The following ERO1B variants were observed in gnomAD, a reference collection of about 807,000 sequenced individuals.
ERO1B encodes endoplasmic reticulum oxidoreductase 1 beta, also known as ERO1-like protein beta.
Under a neutral mutation model 75.3 loss-of-function variants are expected in ERO1B, and 49 were observed. The ratio of observed to expected loss-of-function variants is 0.65; its 90% CI spans 0.52 to 0.83. The LOEUF (loss-of-function observed/expected upper bound fraction) is 0.83, where lower values mean the gene tolerates loss of function less well. Ranked by LOEUF, ERO1B falls within the 40% of genes least tolerant of loss-of-function variation. The pLI, the probability that ERO1B is intolerant of heterozygous loss-of-function variation, is 0.00. For synonymous variants in ERO1B, 191 were observed against 192.9 expected (o/e 0.99, Z 0.08); for missense variants, 512 against 560.1 (o/e 0.91, Z 0.87).
At chr1:236,229,294 G>A (rs537254656) in intron 10 of ERO1B, among the ~76,000 whole-genome samples, 101 of 151,910 alleles carry the variant, frequency 6.6e-4, no homozygotes, top group Admixed American at 3.0e-3. Context: ...GTGTGGTGGC[G>A]GGTGCCTGTA....
intron 4 of ERO1B, among the ~76,000 whole-genome samples, chr1:236,251,836 A>C (rs899100009): frequency 2.0e-5 from 3 of 152,300 alleles, no homozygotes; most frequent in African/African-American, 7.2e-5. Flanking sequence ...GTTGTTCCAG[A>C]GATTCCAAAA....
At chr1:236,239,911 A>ATTTTTTTTTTTT (rs1218642025) in intron 6 of ERO1B, among the ~76,000 whole-genome samples, 2 of 106,952 alleles carry the variant, frequency 1.9e-5, no homozygotes, top group African/African-American at 8.1e-5. Flanking sequence ...ATATATATAT[A>ATTTTTTTTTTTT]TTTTTTTTTT....
At chr1:236,247,805 A>G (rs148876219) in intron 5 of ERO1B, among the ~76,000 whole-genome samples, 68 of 152,296 alleles carry the variant, frequency 4.5e-4, no homozygotes, top group African/African-American at 1.5e-3. Context: ...AAGTCTAGGC[A>G]TGATCCTGCC....
At chr1:236,255,367 C>T (rs1268143309) in intron 2 of ERO1B, among the ~76,000 whole-genome samples, 2 of 152,184 alleles carry the variant, frequency 1.3e-5, no homozygotes, top group African/African-American at 4.8e-5. Flanking sequence ...CCTGGCCAGG[C>T]TTGCTAAAGT....
chr1:236,281,574 T>G, intron 1 of ERO1B, 108 bp downstream of exon 1: 1 of 292,806 alleles, frequency 3.4e-6, no homozygotes, highest in Non-Finnish European at 5.1e-6. Flanking sequence ...AATCACCTCT[T>G]TTCTGGCCCG....
rs1665849054 is a variant in ERO1B, at chr1:236,281,957, G to C, written c.-174C>G. 2.4e-6 allele frequency: 1 copy of C among 417,096 alleles called. No individual in the cohort carries two copies. Among genetic ancestry groups the C allele is most frequent in the African/African-American group, 2.0e-5 (1 of 48,796 alleles). The allele number at this position is 417,096 out of a possible 1,614,324, so 25.8% of individuals were successfully genotyped here. A position where few individuals can be genotyped will look rare whatever the true frequency, so the allele number is the denominator to read the frequency against. ...TTTCCCCAACACCCGGCAGCTGCGAGTGAGGCAGGAAAGGCGAGCGCCCCC... is the reference window on the plus strand; with the variant it reads ...TTTCCCCAACACCCGGCAGCTGCGACTGAGGCAGGAAAGGCGAGCGCCCCC... On this transcript the variant is annotated 5_prime_UTR_variant, in exon 1 of 16. Transcript: ENST00000354619.
intron 2 of ERO1B, among the ~76,000 whole-genome samples, chr1:236,268,561 G>A (rs777516382): frequency 2.0e-5 from 3 of 152,144 alleles, no homozygotes; most frequent in Non-Finnish European, 4.4e-5. Flanking sequence ...AGATCGGCCT[G>A]GGCAAACATG....
rs1176767748 is a variant in ERO1B at position 236,215,905 on chromosome 1, CAG to C, written c.*2609_*2610del. Reference sequence around the variant, plus strand: ...ACATAGGCAAAGTTGAAAAACATGGCAGAGTTTCATATACATACAGAGATTAC... The same window carrying C: ...ACATAGGCAAAGTTGAAAAACATGGCAGTTTCATATACATACAGAGATTAC... On this transcript the variant is annotated 3_prime_UTR_variant, in exon 16 of 16. Transcript: ENST00000354619. 1 of 143,578 alleles carries C rather than the reference CAG, an allele frequency of 7.0e-6. No individual in the cohort carries two copies. Among genetic ancestry groups the C allele is most frequent in the East Asian group, 2.7e-4 (1 of 3,764 alleles). 8.9% of individuals were successfully genotyped at this position (143,578 alleles called of 1,614,324 possible).
intron 8 of ERO1B, among the ~76,000 whole-genome samples, chr1:236,234,237 C>T (rs761551254): frequency 2.6e-5 from 4 of 152,086 alleles, no homozygotes; most frequent in African/African-American, 9.7e-5. Flanking sequence ...TCTTCCCTTC[C>T]TCTTTTTCTA....
rs1664003257 is a variant in ERO1B, at chr1:236,216,976, A to G, written c.*1540T>C. The G allele has an allele frequency of 6.6e-6, 1 of 151,954 alleles. No homozygotes were observed. The highest frequency in any genetic ancestry group is 1.5e-5 in the Non-Finnish European group (1 of 67,944). 9.4% of individuals were successfully genotyped at this position (151,954 alleles called of 1,614,324 possible). On this transcript the variant is annotated 3_prime_UTR_variant, in exon 16 of 16. Transcript: ENST00000354619. ...TACCACCATCAACAACAAAACCCCA[A>G]GTTTATAAAGGTTTGAAATTAGGTG...
At position 236,254,602 on chromosome 1, in the gene ERO1B, T is replaced by A. The variant is rs183192035; in HGVS notation, c.223-1097A>T. Among the ~76,000 whole-genome samples, 5 of 152,198 alleles carry A rather than the reference T, an allele frequency of 3.3e-5. No individual in the cohort carries two copies. The East Asian group carries it at 7.7e-4, about 24-fold the overall frequency. On this transcript the variant is annotated intron_variant, in intron 2 of 15. Coordinates refer to ENST00000354619, the MANE Select transcript of ERO1B (RefSeq NM_019891.4). ...GGGAACATACCATGCTCCCTATGTC[T>A]CAAGATCTTTATTTTTTTTTTATTT... is the stretch of plus-strand genomic sequence containing the variant.
chr1:236,222,036 C>T (rs760558618), intron 13 of ERO1B, 26 bp from the exon 14 acceptor site: 4 of 1,566,178 alleles, frequency 2.6e-6, no homozygotes, highest in Non-Finnish European at 3.5e-6. Context: ...TATTTTCAGT[C>T]TAATTAGACT....
chr1:236,234,115 T>C (rs1036149288), intron 8 of ERO1B, among the ~76,000 whole-genome samples: 5 of 152,168 alleles, frequency 3.3e-5, no homozygotes, highest in Admixed American at 6.5e-5. Context: ...AGCAGGTAAA[T>C]AGCAACAGCA....
intron 5 of ERO1B, among the ~76,000 whole-genome samples, chr1:236,245,204 A>C (rs1664812671): frequency 6.8e-6 from 1 of 146,904 alleles, no homozygotes; most frequent in African/African-American, 2.5e-5. Context: ...TATGTTGCCC[A>C]GGCTGGTCTC....
chr1:236,228,644 G>A (rs987422274), intron 10 of ERO1B, among the ~76,000 whole-genome samples: 2 of 152,162 alleles, frequency 1.3e-5, no homozygotes, highest in Non-Finnish European at 1.5e-5. Flanking sequence ...CTTTCAGAAA[G>A]GGGTTGCATT....
At chr1:236,227,346 T>G (rs892703077) in intron 10 of ERO1B, among the ~76,000 whole-genome samples, 3 of 152,206 alleles carry the variant, frequency 2.0e-5, no homozygotes, top group African/African-American at 7.2e-5. Context: ...TTATTTGATG[T>G]AGCCTTCTTA....
At chr1:236,246,590 C>T (rs1340388202) in intron 5 of ERO1B, among the ~76,000 whole-genome samples, 1 of 152,170 alleles carries the variant, frequency 6.6e-6, no homozygotes, top group Non-Finnish European at 1.5e-5. Flanking sequence ...TTAAACATTA[C>T]TATGCCCAAA....
In ERO1B at chr1:236,222,020, A is replaced by G; in HGVS notation, c.1123-10T>C. The G allele has an allele frequency of 2.5e-6, 4 of 1,606,998 alleles. No homozygotes were observed. The highest frequency in any genetic ancestry group is 3.4e-6 in the Non-Finnish European group (4 of 1,173,806). On this transcript the variant is annotated splice_polypyrimidine_tract_variant and intron_variant, in intron 13 of 15. Transcript: ENST00000354619. The stretch of plus-strand genomic sequence containing the variant: ...GTAATCGGAATTCCTCCTAGCAAGC[A>G]GAAAATATTTTCAGTCTAATTAGAC...
At chr1:236,281,557 C>G (rs1665829766) in intron 1 of ERO1B, 125 bp downstream of exon 1, 2 of 629,432 alleles carry the variant, frequency 3.2e-6, no homozygotes, top group Non-Finnish European at 4.6e-6. Flanking sequence ...GTTTTCTGCT[C>G]GCCAGAAATC....
Sources: allele counts gnomAD v4.1 joint callset (sites outside exome capture counted in the v4.1 genomes callset), GRCh38; gene constraint gnomAD v4.1.1; transcripts MANE v1.5; gene names NCBI Gene and HGNC (gene_info 2026-07-23, HGNC 2026-07-21).